LDB1: variants seen among roughly 807,000 people sequenced by gnomAD.
LDB1 encodes LIM domain binding 1, also known as LIM domain-binding protein 1.
In LDB1, 6 loss-of-function variants were observed where a neutral mutation model predicts 49.7. The ratio of observed to expected loss-of-function variants is 0.12; its 90% CI spans 0.07 to 0.24. The LOEUF (loss-of-function observed/expected upper bound fraction) is 0.24. LDB1 is among the 10% of genes least tolerant of loss of function. The probability of loss-of-function intolerance (pLI) is 1.00; values close to 1 mark genes in which losing one functional copy is unlikely to be tolerated. For synonymous variants in LDB1, 233 were observed against 202.0 expected, an observed-to-expected ratio of 1.15 and a Z score of -1.30; for missense variants, 341 against 561.7, an observed-to-expected ratio of 0.61 and a Z score of 3.97.
Position 102,106,851 on chromosome 10 carries a change from T to C in LDB1, c.*1242A>G, listed in dbSNP as rs1342511860. Among the ~76,000 whole-genome samples, 1 of 152,080 alleles carries C rather than the reference T, an allele frequency of 6.6e-6. No homozygotes were observed. Among genetic ancestry groups the C allele is most frequent in the Non-Finnish European group, 1.5e-5 (1 of 68,030 alleles). On this transcript the variant is annotated 3_prime_UTR_variant, in exon 11 of 11. Coordinates refer to ENST00000673968, the MANE Select transcript of LDB1 (RefSeq NM_001113407.3). ...AGAGCCGAGGATCCCGGCTGCCTCC[T>C]CCTCCTTCCTTCTGTGAGGAAGGAG...
chr10:102,114,896 T>G, intron 1 of LDB1: 1 of 957,804 alleles, frequency 1.0e-6, no homozygotes. Context: ...TCACTCACAC[T>G]CGCACACTCA....
rs2068171159 is a variant in LDB1, at chr10:102,106,983, C to T, written c.*1110G>A. ...TAGAACTGGGATGTCATCTGTGGCT[C>T]CTTCCCCTCTATGAAGGACAGAGTA... On this transcript the variant is annotated 3_prime_UTR_variant, in exon 11 of 11. Transcript: ENST00000673968. Among the ~76,000 whole-genome samples the T allele has an allele frequency of 6.6e-6, 1 of 152,126 alleles. No homozygotes were observed. The highest frequency in any genetic ancestry group is 1.5e-5 in the Non-Finnish European group (1 of 68,028).
chr10:102,111,487 G>A lies in LDB1; in HGVS notation c.75C>T (p.Asn25=), dbSNP rs1475832209. ...FKLYSPKEPP[N]GNAFPPFHPG... is the part of the protein sequence containing the mutation. ...GATGGAAGGGGGGAAAGGCGTTGCC[G>A]TTCGGGGGCTCCTTCGGCGAGTACA... The change falls in exon 2 of 11, where the codon AAC becomes AAT. Residue 25 remains asparagine, a synonymous_variant. Coordinates refer to ENST00000673968, the MANE Select transcript of LDB1 (RefSeq NM_001113407.3). 1 of 1,557,166 alleles carries A rather than the reference G, an allele frequency of 6.4e-7. No individual in the cohort carries two copies. Among genetic ancestry groups the A allele is most frequent in the Non-Finnish European group, 8.7e-7 (1 of 1,151,430 alleles).
chr10:102,109,853 G>T lies in LDB1; in HGVS notation c.648+68C>A, dbSNP rs2068223978. 6.3e-7 allele frequency: 1 copy of T among 1,585,074 alleles called. No individual in the cohort carries two copies. Among genetic ancestry groups the T allele is most frequent in the Admixed American group, 1.7e-5 (1 of 58,800 alleles). ...TGTCTAAGTAGTCAGTCGGGAAATG[G>T]CAGACCTTGTTCCACCCTTCCCCCG... On this transcript the variant is annotated intron_variant, in intron 7 of 10. Coordinates refer to ENST00000673968, the MANE Select transcript of LDB1 (RefSeq NM_001113407.3). The surrounding 1 kb of genome is among the most constrained non-coding windows in gnomAD (Gnocchi z 5.8).
rs137885916 is a variant in LDB1, at chr10:102,120,214, G to T, written c.-104C>A. The T allele has an allele frequency of 0.057, 57,125 of 998,878 alleles. 1,929 individuals carry two copies. Among genetic ancestry groups the T allele is most frequent in the African/African-American group, 0.14 (7,802 of 57,262 alleles). The allele number at this position is 998,878 out of a possible 1,614,324, so 61.9% of individuals were successfully genotyped here. A position where few individuals can be genotyped will look rare whatever the true frequency, so the allele number is the denominator to read the frequency against. Reference sequence around the variant, plus strand: ...CGCCGCCGCCCGCGGCCCCCGCTGCGCTCGCCGCCGGCCCGGCCCGGCCTC... The same window carrying T: ...CGCCGCCGCCCGCGGCCCCCGCTGCTCTCGCCGCCGGCCCGGCCCGGCCTC... On this transcript the variant is annotated 5_prime_UTR_variant, in exon 1 of 11. Coordinates refer to ENST00000673968, the MANE Select transcript of LDB1 (RefSeq NM_001113407.3).
In LDB1 at chr10:102,110,939, C is replaced by A. The variant is rs762280527; in HGVS notation, c.282G>T (p.Thr94=). ...ECDNLWWDAF[T]TEFFEDDAML... ...TGGCATCATCCTCAAAGAACTCAGTCGTGAATGCATCCCACCAGAGATTGT... is the reference window on the plus strand; with the variant it reads ...TGGCATCATCCTCAAAGAACTCAGTAGTGAATGCATCCCACCAGAGATTGT... Residue 94 remains threonine (T), a synonymous_variant, in exon 5 of 11, where the codon ACG becomes ACT. Coordinates refer to ENST00000673968, the MANE Select transcript of LDB1 (RefSeq NM_001113407.3). 3 of 1,613,990 alleles carry A rather than the reference C, an allele frequency of 1.9e-6. No homozygotes were observed. The South Asian group carries it at 3.3e-5, about 18-fold the overall frequency.
In LDB1 at chr10:102,109,756, G is replaced by A; in HGVS notation, c.649-73C>T. ...TCTGCTCACCTGCCCTATCATCTGA[G>A]CATTGTGACACTCCTGAGAGAGGAT... On this transcript the variant is annotated intron_variant, in intron 7 of 10. Transcript: ENST00000673968. The surrounding 1 kb of genome is among the most constrained non-coding windows in gnomAD (Gnocchi z 5.8). 1 of 1,548,644 alleles carries A rather than the reference G, an allele frequency of 6.5e-7. No individual in the cohort carries two copies. Among genetic ancestry groups the A allele is most frequent in the Non-Finnish European group, 8.9e-7 (1 of 1,121,556 alleles).
chr10:102,106,302 C>T (rs545284786), downstream of LDB1, among the ~76,000 whole-genome samples: 5 of 151,798 alleles, frequency 3.3e-5, no homozygotes, highest in South Asian at 2.1e-4. Context: ...CAAGCTGGGA[C>T]ATCTGGGAAC....
chr10:102,112,511 G>A (rs1428735326), intron 1 of LDB1, among the ~76,000 whole-genome samples: 4 of 152,114 alleles, frequency 2.6e-5, no homozygotes, highest in African/African-American at 9.7e-5. Flanking sequence ...ATAAATGGGG[G>A]TGGGTGCCTG....
chr10:102,121,082 GTTAA>G (rs1432525622), upstream of LDB1, among the ~76,000 whole-genome samples: 1 of 152,164 alleles, frequency 6.6e-6, no homozygotes, highest in African/African-American at 2.4e-5. Context: ...AACTAAAAGG[GTTAA>G]TTAAGTGGGG....
At chr10:102,114,812 G>GGGGGGGCCC in intron 1 of LDB1, 2 of 929,818 alleles carry the variant, frequency 2.2e-6, no homozygotes, top group Non-Finnish European at 2.6e-6. Flanking sequence ...CCTCCGAGCA[G>GGGGGGGCCC]CCCGCCCGCC....
downstream of LDB1, among the ~76,000 whole-genome samples, chr10:102,105,594 T>C (rs2133492132): frequency 6.6e-6 from 1 of 151,782 alleles, no homozygotes; most frequent in East Asian, 1.9e-4. Flanking sequence ...ATCTTCCCAG[T>C]CTGGAGAGTA....
intron 10 of LDB1, 150 bp downstream of exon 10, chr10:102,108,879 C>A: frequency 9.7e-7 from 1 of 1,030,400 alleles, no homozygotes; most frequent in South Asian, 1.4e-5. Context: ...CAAGAACTCT[C>A]TCACCAGTAA....
In LDB1 at chr10:102,110,385, C is replaced by T. The variant is rs12254659; in HGVS notation, c.525+144G>A. 5.8e-3 allele frequency: 4,591 copies of T among 792,692 alleles called. 149 individuals carry two copies. In the African/African-American group the frequency reaches 0.071, roughly 12 times the overall value. The allele number at this position is 792,692 out of a possible 1,614,324, so 49.1% of individuals were successfully genotyped here. ...TACAAACACAATACATGTTTGCTGA[C>T]GGTTGCAACATGCCTACCCGCCCTT... On this transcript the variant is annotated intron_variant, in intron 6 of 10. Transcript: ENST00000673968.
chr10:102,114,134 G>C (rs1221469859), intron 1 of LDB1, among the ~76,000 whole-genome samples: 1 of 152,246 alleles, frequency 6.6e-6, no homozygotes. Flanking sequence ...TTTAGGAAGG[G>C]GGAGAGAAGA....
chr10:102,111,017 T>C (rs2133510152), intron 4 of LDB1, 46 bp from the exon 5 acceptor site: 8 of 1,611,278 alleles, frequency 5.0e-6, no homozygotes, highest in African/African-American at 1.3e-5. Flanking sequence ...AGATATCCCA[T>C]AGGGTGCCCA....
At chr10:102,120,466 C>G (rs1402853446), upstream of LDB1, 3 of 895,620 alleles carry the variant, frequency 3.3e-6, no homozygotes, top group Non-Finnish European at 4.0e-6. Context: ...CTCGCGCTCC[C>G]TCGCGCCGGC....
downstream of LDB1, among the ~76,000 whole-genome samples, chr10:102,104,141 G>T (rs188441890): frequency 1.4e-3 from 210 of 152,126 alleles, no homozygotes; most frequent in African/African-American, 4.7e-3. Flanking sequence ...ACTACAGTAG[G>T]TTCCTAGGAA....
chr10:102,107,786 T>C lies in LDB1; in HGVS notation c.*307A>G. The C allele has an allele frequency of 2.3e-6, 1 of 431,450 alleles. No homozygotes were observed. Among genetic ancestry groups the C allele is most frequent in the South Asian group, 2.6e-5 (1 of 38,320 alleles). The allele number at this position is 431,450 out of a possible 1,614,324, so 26.7% of individuals were successfully genotyped here. A position where few individuals can be genotyped will look rare whatever the true frequency, so the allele number is the denominator to read the frequency against. On this transcript the variant is annotated 3_prime_UTR_variant, in exon 11 of 11. Transcript: ENST00000673968. ...TCAGGGGGATGGGAAACCCACAATCTGGGGTGAAGATGGAGGCAAATGCCC... is the reference window on the plus strand; with the variant it reads ...TCAGGGGGATGGGAAACCCACAATCCGGGGTGAAGATGGAGGCAAATGCCC...
Sources: allele counts gnomAD v4.1 joint callset (sites outside exome capture counted in the v4.1 genomes callset), GRCh38; gene constraint gnomAD v4.1.1; non-coding constraint Gnocchi (gnomAD v3.1); transcripts MANE v1.5; gene names NCBI Gene and HGNC (gene_info 2026-07-23, HGNC 2026-07-21).